Variants in KCNAB1 observed in about 807,000 individuals in gnomAD.
The protein encoded by KCNAB1 is voltage-gated potassium channel subunit beta-1.
A neutral mutation model predicts 64.6 loss-of-function variants in KCNAB1; 35 were observed. The observed-to-expected ratio is 0.54, with a 90% CI of 0.41 to 0.72. The LOEUF is 0.72. KCNAB1 is among the 30% of genes least tolerant of loss of function. The probability of loss-of-function intolerance (pLI) is 0.00; values close to 1 mark genes in which losing one functional copy is unlikely to be tolerated. For synonymous variants in KCNAB1, 177 were observed against 183.8 expected (o/e 0.96, Z 0.30); for missense variants, 401 against 512.9 (o/e 0.78, Z 2.11).
chr3:156,291,358 G>T, intron 1 of KCNAB1: 5 of 994,662 alleles, frequency 5.0e-6, no homozygotes, highest in Non-Finnish European at 6.0e-6. Flanking sequence ...AGTCCGAGGG[G>T]ACCCGCTTGC....
intron 8 of KCNAB1, among the ~76,000 whole-genome samples, chr3:156,494,118 A>G (rs1715831664): frequency 6.6e-6 from 1 of 152,108 alleles, no homozygotes; most frequent in Admixed American, 6.6e-5. Flanking sequence ...GTGCTTGCCA[A>G]GGTGGTTTTC....
chr3:156,137,611 C>A (rs772288668), intron 1 of KCNAB1, among the ~76,000 whole-genome samples: 1 of 151,122 alleles, frequency 6.6e-6, no homozygotes, highest in Admixed American at 6.6e-5. Context: ...TGCACTTGCG[C>A]GATCTCACCA....
intron 1 of KCNAB1, among the ~76,000 whole-genome samples, chr3:156,304,927 A>G (rs868165156): frequency 4.5e-4 from 69 of 152,294 alleles, no homozygotes; most frequent in African/African-American, 1.6e-3. Context: ...TGTTTAGTCC[A>G]TAATTTATAT....
chr3:156,392,478 T>A (rs1267739706), intron 1 of KCNAB1, among the ~76,000 whole-genome samples: 1 of 152,230 alleles, frequency 6.6e-6, no homozygotes, highest in East Asian at 1.9e-4. Flanking sequence ...CTGATGCTTA[T>A]GCTTTCTACT....
intron 1 of KCNAB1, among the ~76,000 whole-genome samples, chr3:156,363,297 A>T (rs1483978507): frequency 6.6e-6 from 1 of 152,154 alleles, no homozygotes; most frequent in Non-Finnish European, 1.5e-5. Flanking sequence ...TCATTTATTT[A>T]TTCATTTGTT....
chr3:156,157,269 A>G (rs576155738), intron 1 of KCNAB1, among the ~76,000 whole-genome samples: 44 of 152,340 alleles, frequency 2.9e-4, no homozygotes, highest in African/African-American at 1.0e-3. Flanking sequence ...CTGAACTCCT[A>G]CTTAACAGAA....
At chr3:156,245,615 A>G (rs868729494) in intron 1 of KCNAB1, among the ~76,000 whole-genome samples, 1 of 152,212 alleles carries the variant, frequency 6.6e-6, no homozygotes, top group Non-Finnish European at 1.5e-5. Flanking sequence ...TAATATTTGA[A>G]ACATGGAAAA....
chr3:156,149,057 T>A (rs953045488), intron 1 of KCNAB1, among the ~76,000 whole-genome samples: 1 of 152,096 alleles, frequency 6.6e-6, no homozygotes, highest in African/African-American at 2.4e-5. Context: ...AGAACAAAAA[T>A]ATTTGAGCCA....
At chr3:156,424,774 A>T (rs1488610378) in intron 2 of KCNAB1, among the ~76,000 whole-genome samples, 2 of 152,208 alleles carry the variant, frequency 1.3e-5, no homozygotes, top group East Asian at 3.8e-4. Flanking sequence ...GTTTTCTTTA[A>T]AACTGCAGAC....
chr3:156,220,024 A>G (rs1416242991), intron 1 of KCNAB1, among the ~76,000 whole-genome samples: 1 of 152,098 alleles, frequency 6.6e-6, no homozygotes, highest in Non-Finnish European at 1.5e-5. Context: ...AGCTTCATCC[A>G]TGTCCCTGCA....
rs2108404150 is a variant in KCNAB1, at chr3:156,216,931, CT to C, written c.275+96046del. Reference sequence around the variant, plus strand: ...TGAAGTGATTTTAGGTTTTACATGACTGACCTGGAGGAACAAATGCTTATTT... The same window carrying C: ...TGAAGTGATTTTAGGTTTTACATGACGACCTGGAGGAACAAATGCTTATTT... On this transcript the variant is annotated intron_variant, in intron 1 of 13. Transcript: ENST00000490337. 2.0e-5 allele frequency: 3 copies of C among 152,334 alleles called. No individual in the cohort carries two copies. The South Asian group carries it at 6.2e-4, about 32-fold the overall frequency. The allele number at this position is 152,334 out of a possible 1,614,324, so 9.4% of individuals were successfully genotyped here.
At chr3:156,282,888 A>G (rs1446371754) in intron 1 of KCNAB1, among the ~76,000 whole-genome samples, 1 of 151,724 alleles carries the variant, frequency 6.6e-6, no homozygotes, top group Non-Finnish European at 1.5e-5. Flanking sequence ...TTTCCTGAAT[A>G]CAGCACACTG....
At chr3:156,156,396 G>T (rs1006556799) in intron 1 of KCNAB1, among the ~76,000 whole-genome samples, 5 of 152,192 alleles carry the variant, frequency 3.3e-5, no homozygotes, top group Admixed American at 1.3e-4. Context: ...TTTTTAAAAG[G>T]ATTGTCTGAA....
intron 1 of KCNAB1, among the ~76,000 whole-genome samples, chr3:156,297,990 G>A (rs1180467290): frequency 6.6e-6 from 1 of 152,152 alleles, no homozygotes; most frequent in Non-Finnish European, 1.5e-5. Flanking sequence ...TTGTTTTTTG[G>A]TAAAGAATAC....
At chr3:156,263,129 T>A (rs1413679241) in intron 1 of KCNAB1, among the ~76,000 whole-genome samples, 1 of 151,888 alleles carries the variant, frequency 6.6e-6, no homozygotes, top group African/African-American at 2.4e-5. Context: ...TTCATTGATT[T>A]CTACTCTAAT....
intron 1 of KCNAB1, chr3:156,291,885 A>G (rs1720458329): frequency 2.5e-6 from 4 of 1,613,580 alleles, no homozygotes; most frequent in African/African-American, 1.3e-5. Flanking sequence ...TCTGAGAGGG[A>G]CCGTGCGCTG....
chr3:156,467,492 C>T (rs1452030112), intron 7 of KCNAB1, among the ~76,000 whole-genome samples: 1 of 152,078 alleles, frequency 6.6e-6, no homozygotes, highest in African/African-American at 2.4e-5. Flanking sequence ...GATAAGGAAG[C>T]CAGGTTCTCC....
intron 3 of KCNAB1, chr3:156,457,105 C>A: frequency 1.6e-6 from 1 of 628,908 alleles, no homozygotes; most frequent in Non-Finnish European, 2.1e-6. Flanking sequence ...GGAATGGAGT[C>A]ACACAGTGAT....
At chr3:156,210,144 C>T (rs1380511914) in intron 1 of KCNAB1, among the ~76,000 whole-genome samples, 2 of 152,072 alleles carry the variant, frequency 1.3e-5, no homozygotes, top group Non-Finnish European at 2.9e-5. Flanking sequence ...CTGAGACTGT[C>T]GGTGAGCTGA....
Sources: gnomAD v4.1 joint callset for allele counts (sites outside exome capture counted in the v4.1 genomes callset) on GRCh38, gnomAD v4.1.1 for gene constraint, MANE v1.5 for transcripts, NCBI Gene and HGNC (gene_info 2026-07-23, HGNC 2026-07-21) for gene names.